ZC3H14: variants seen among roughly 807,000 people sequenced by gnomAD.
ZC3H14 encodes the protein zinc finger CCCH domain-containing protein 14.
ZC3H14 carries 31 observed loss-of-function variants against 92.4 expected under a neutral mutation model. The observed-to-expected ratio is 0.34, with a 90% CI of 0.25 to 0.45. ZC3H14 has a LOEUF of 0.45. Among genes scored for constraint, ZC3H14 ranks in the 20% least tolerant of loss-of-function variants. The probability of loss-of-function intolerance (pLI) is 1.00; values close to 1 mark genes in which losing one functional copy is unlikely to be tolerated. For missense variants in ZC3H14, 781 were observed against 897.3 expected, an observed-to-expected ratio of 0.87 and a Z score of 1.66; for synonymous variants, 321 against 300.9, an observed-to-expected ratio of 1.07 and a Z score of -0.69.
chr14:88,618,218 A>C lies in ZC3H14; in HGVS notation c.*6467A>C. The C allele has an allele frequency of 6.2e-7, 1 of 1,611,410 alleles. No homozygotes were observed. The highest frequency in any genetic ancestry group is 2.2e-5 in the East Asian group (1 of 44,840). On this transcript the variant is annotated 3_prime_UTR_variant, in exon 17 of 17. Coordinates refer to ENST00000251038, the MANE Select transcript of ZC3H14 (RefSeq NM_024824.5). Reference sequence around the variant, plus strand: ...GTCAGTTCTTGCCTTGTGAATATATAAGTATTTACCTAGTCCATGTAGCCC... The same window carrying C: ...GTCAGTTCTTGCCTTGTGAATATATCAGTATTTACCTAGTCCATGTAGCCC...
chr14:88,618,267 T>C lies in ZC3H14; in HGVS notation c.*6516T>C, dbSNP rs1423968239. 1 of 1,613,740 alleles carries C rather than the reference T, an allele frequency of 6.2e-7. No homozygotes were observed. The highest frequency in any genetic ancestry group is 8.5e-7 in the Non-Finnish European group (1 of 1,179,862). On this transcript the variant is annotated 3_prime_UTR_variant, in exon 17 of 17. Coordinates refer to ENST00000251038, the MANE Select transcript of ZC3H14 (RefSeq NM_024824.5). ...CCAAGTAATTCTGTCAATAGCGGCA[T>C]GATCCATAAGATGTTTTCCTGAAGG... is the stretch of plus-strand genomic sequence containing the variant.
chr14:88,594,301 T>C (rs2083518845), intron 9 of ZC3H14: 2 of 614,854 alleles, frequency 3.3e-6, no homozygotes, highest in East Asian at 2.4e-4. Context: ...AGCGCTTCAG[T>C]GCTCTCATCA....
chr14:88,563,686 T>G lies in ZC3H14; in HGVS notation c.72T>G (p.Ala24=). ...AGGGGAAATTACAAGAATTAGGAGC[T>G]TATGTTGGTAAGTGTTTTTTTGGTT... ...AIKGKLQELG[A]YVDEELPDYI... Residue 24 remains alanine (A), a synonymous_variant, in exon 2 of 17, where the codon GCT becomes GCG. Transcript: ENST00000251038. 1.2e-6 allele frequency: 2 copies of G among 1,614,182 alleles called. No individual in the cohort carries two copies. The highest frequency in any genetic ancestry group is 2.2e-5 in the South Asian group (2 of 91,082).
chr14:88,608,585 C>A, intron 13 of ZC3H14: 1 of 218,408 alleles, frequency 4.6e-6, no homozygotes, highest in South Asian at 6.8e-5. Context: ...TACTGAAATA[C>A]CTGGGGTTCC....
intron 9 of ZC3H14, among the ~76,000 whole-genome samples, chr14:88,595,922 T>G (rs1315821913): frequency 6.6e-6 from 1 of 152,190 alleles, no homozygotes; most frequent in Non-Finnish European, 1.5e-5. Flanking sequence ...AATGAGCAAG[T>G]GAGTGCCTGA....
Position 88,578,556 on chromosome 14 carries a change from TTA to T in ZC3H14, c.1279+418_1279+419del, listed in dbSNP as rs2081460700. Among the ~76,000 whole-genome samples the T allele has an allele frequency of 2.0e-5, 3 of 152,214 alleles. No individual in the cohort carries two copies. In the East Asian group the frequency reaches 5.8e-4, roughly 29 times the overall value. On this transcript the variant is annotated intron_variant, in intron 9 of 16. Transcript: ENST00000251038. ...GAACCCAGTCATTAAGCCTTAGTTA[TTA>T]TCAGAATTTTGCTGGTCTTTAGATA...
intron 9 of ZC3H14, among the ~76,000 whole-genome samples, chr14:88,579,331 C>G (rs1197963134): frequency 2.0e-5 from 3 of 152,088 alleles, no homozygotes; most frequent in Non-Finnish European, 1.5e-5. Flanking sequence ...GAGGACAAGA[C>G]CTGTTTGGTC....
Position 88,627,214 on chromosome 14 carries a change from G to C in ZC3H14, c.*15463G>C. ...CATGATTTACAATTATTTGTGTATTGAGTCCTTTTCACTTATCTTCGCTCC... is the reference window on the plus strand; with the variant it reads ...CATGATTTACAATTATTTGTGTATTCAGTCCTTTTCACTTATCTTCGCTCC... On this transcript the variant is annotated 3_prime_UTR_variant, in exon 17 of 17. Coordinates refer to ENST00000251038, the MANE Select transcript of ZC3H14 (RefSeq NM_024824.5). 1.5e-6 allele frequency: 1 copy of C among 645,472 alleles called. No individual in the cohort carries two copies. Among genetic ancestry groups the C allele is most frequent in the Non-Finnish European group, 2.6e-6 (1 of 377,824 alleles). 40.0% of individuals were successfully genotyped at this position (645,472 alleles called of 1,614,324 possible).
At chr14:88,598,167 A>C (rs2084109952) in intron 10 of ZC3H14, among the ~76,000 whole-genome samples, 1 of 152,078 alleles carries the variant, frequency 6.6e-6, no homozygotes, top group Non-Finnish European at 1.5e-5. Flanking sequence ...CTTACATTTA[A>C]GAGTGGAGCA....
In ZC3H14 at chr14:88,580,403, C is replaced by T. The variant is rs899608437; in HGVS notation, c.1279+2263C>T. ...ATCCCAGCAATTTGGGAGGCCAAGG[C>T]GGGAGGATCACTTGAGGCCAGGAGT... On this transcript the variant is annotated intron_variant, in intron 9 of 16. Coordinates refer to ENST00000251038, the MANE Select transcript of ZC3H14 (RefSeq NM_024824.5). 9.2e-5 allele frequency among the ~76,000 whole-genome samples: 14 copies of T among 152,170 alleles called. No homozygotes were observed. In the South Asian group the frequency reaches 1.7e-3, roughly 18 times the overall value.
Position 88,609,697 on chromosome 14 carries a change from TTTTTA to T in ZC3H14, c.2006-10_2006-6del. The T allele has an allele frequency of 6.2e-7, 1 of 1,613,962 alleles. No individual in the cohort carries two copies. Among genetic ancestry groups the T allele is most frequent in the Non-Finnish European group, 8.5e-7 (1 of 1,179,888 alleles). On this transcript the variant is annotated splice_polypyrimidine_tract_variant and intron_variant, in intron 14 of 16. Transcript: ENST00000251038. ...CAAACAGATTGGAGATCAGTCCTGG[TTTTTA>T]TTTTGTTAGCAGTTGCACCACCAGC...
At chr14:88,606,924 C>T (rs1385020844) in intron 12 of ZC3H14, among the ~76,000 whole-genome samples, 1 of 151,898 alleles carries the variant, frequency 6.6e-6, no homozygotes, top group Non-Finnish European at 1.5e-5. Context: ...TTTATTAGTT[C>T]CCCACTTGAC....
rs150571373 is a variant in ZC3H14 at position 88,574,782 on chromosome 14, A to T, written c.951A>T (p.Glu317Asp). Residue 317 changes from glutamate (E) to aspartate (D), a missense_variant, in exon 7 of 17, where the codon GAA becomes GAT. Glu to Asp is a conservative substitution (Grantham distance 45, BLOSUM62 2). Coordinates refer to ENST00000251038, the MANE Select transcript of ZC3H14 (RefSeq NM_024824.5). Reference sequence around the variant, plus strand: ...ATCATGATGGAGAAGAGGAGGAAGAAGATGATGATTACGGGTCTCGAACAG... The same window carrying T: ...ATCATGATGGAGAAGAGGAGGAAGATGATGATGATTACGGGTCTCGAACAG... ...KFNHDGEEEEEDDDYGSRTGS... is the reference protein window; with the variant it reads ...KFNHDGEEEEDDDDYGSRTGS... The T allele has an allele frequency of 2.5e-5, 41 of 1,614,084 alleles. No individual in the cohort carries two copies. The highest frequency in any genetic ancestry group is 8.0e-5 in the African/African-American group (6 of 74,922).
At chr14:88,605,300 C>A (rs921813061) in intron 12 of ZC3H14, among the ~76,000 whole-genome samples, 1 of 152,046 alleles carries the variant, frequency 6.6e-6, no homozygotes, top group Non-Finnish European at 1.5e-5. Flanking sequence ...TCTTTGGAAC[C>A]GATTATTCTT....
At position 88,601,912 on chromosome 14, in the gene ZC3H14, T is replaced by C. The variant is rs1338572040; in HGVS notation, c.1355-12T>C. On this transcript the variant is annotated splice_polypyrimidine_tract_variant and intron_variant, in intron 10 of 16. Transcript: ENST00000251038. The stretch of plus-strand genomic sequence containing the variant: ...CAAAAGTAAACATTTGTGGCCAATT[T>C]TTTTGGCTCAGATTACTATGACATG... The C allele has an allele frequency of 6.2e-7, 1 of 1,613,884 alleles. No individual in the cohort carries two copies.
intron 9 of ZC3H14, among the ~76,000 whole-genome samples, chr14:88,579,327 A>C (rs1375686716): frequency 2.0e-5 from 3 of 152,166 alleles, no homozygotes; most frequent in Non-Finnish European, 4.4e-5. Context: ...GCCTGAGGAC[A>C]AGACCTGTTT....
At chr14:88,566,528 A>G (rs1246570171) in intron 2 of ZC3H14, among the ~76,000 whole-genome samples, 3 of 152,248 alleles carry the variant, frequency 2.0e-5, no homozygotes, top group Non-Finnish European at 4.4e-5. Context: ...TTCTTTCAAC[A>G]CTTGAACTGC....
rs1566871054 is a variant in ZC3H14, at chr14:88,563,377, G to A, written c.36+208G>A. 4 of 1,441,452 alleles carry A rather than the reference G, an allele frequency of 2.8e-6. No individual in the cohort carries two copies. The East Asian group carries it at 7.7e-5, about 28-fold the overall frequency. 89.3% of individuals were successfully genotyped at this position (1,441,452 alleles called of 1,614,324 possible). On this transcript the variant is annotated intron_variant, in intron 1 of 16. Coordinates refer to ENST00000251038, the MANE Select transcript of ZC3H14 (RefSeq NM_024824.5). Reference sequence around the variant, plus strand: ...CGTGGCTGCGGCTGAAGTAGCCGCCGGGAAATGGAAGGACAGGCGCAGGCC... The same window carrying A: ...CGTGGCTGCGGCTGAAGTAGCCGCCAGGAAATGGAAGGACAGGCGCAGGCC...
rs1054659013 is a variant in ZC3H14 at position 88,612,305 on chromosome 14, C to T, written c.*554C>T. 1 of 156,706 alleles carries T rather than the reference C, an allele frequency of 6.4e-6. No homozygotes were observed. Among genetic ancestry groups the T allele is most frequent in the East Asian group, 1.9e-4 (1 of 5,360 alleles). The allele number at this position is 156,706 out of a possible 1,614,324, so 9.7% of individuals were successfully genotyped here. The stretch of plus-strand genomic sequence containing the variant: ...GTTTGAAAAGCATGATTATACAGGC[C>T]TCTCAGGCTGAGTGCTACTTTGGTA... On this transcript the variant is annotated 3_prime_UTR_variant, in exon 17 of 17. Coordinates refer to ENST00000251038, the MANE Select transcript of ZC3H14 (RefSeq NM_024824.5).
Sources: gnomAD v4.1 joint callset for allele counts (sites outside exome capture counted in the v4.1 genomes callset) on GRCh38, gnomAD v4.1.1 for gene constraint, MANE v1.5 for transcripts, NCBI Gene and HGNC (gene_info 2026-07-23, HGNC 2026-07-21) for gene names.